Variants in RANBP17 observed in about 807,000 individuals in gnomAD.
RANBP17 encodes the protein ran-binding protein 17.
A neutral mutation model predicts 141.2 loss-of-function variants in RANBP17; 158 were observed. That is an observed-to-expected ratio of 1.12 (90% CI 0.98 to 1.28). The LOEUF is 1.28. Among genes scored for constraint, RANBP17 ranks in the 50% most tolerant of loss-of-function variants. The pLI is 0.00. For missense variants in RANBP17, 1,438 were observed against 1,290.7 expected (o/e 1.11, Z -1.75); for synonymous variants, 430 against 450.0 (o/e 0.96, Z 0.56).
intron 12 of RANBP17, among the ~76,000 whole-genome samples, chr5:170,945,202 C>T (rs952975588): frequency 1.3e-5 from 2 of 151,838 alleles, no homozygotes; most frequent in African/African-American, 2.4e-5. Flanking sequence ...TATGGCTAGT[C>T]GTAACTAGCT....
At chr5:170,954,601 C>A (rs1374731487) in intron 13 of RANBP17, among the ~76,000 whole-genome samples, 1 of 124,962 alleles carries the variant, frequency 8.0e-6, no homozygotes, top group Non-Finnish European at 1.6e-5. Flanking sequence ...GCAATATCAA[C>A]ATTTTACCTG....
chr5:170,938,935 C>G (rs528541573), intron 12 of RANBP17, among the ~76,000 whole-genome samples: 12 of 152,122 alleles, frequency 7.9e-5, no homozygotes, highest in Non-Finnish European at 1.5e-4. Flanking sequence ...TTCATCAATA[C>G]AGCAAGCCCA....
At position 171,242,667 on chromosome 5, in the gene RANBP17, ATC is replaced by A; in HGVS notation, c.2638-11_2638-10del. ...TTCTCTGTGGCTTGACATTTAGTATATCTCTGTGTTGTAGCAATACCGGAAAC... is the reference window on the plus strand; with the variant it reads ...TTCTCTGTGGCTTGACATTTAGTATATCTGTGTTGTAGCAATACCGGAAAC... On this transcript the variant is annotated splice_polypyrimidine_tract_variant and intron_variant, in intron 23 of 27. Coordinates refer to ENST00000523189, the MANE Select transcript of RANBP17 (RefSeq NM_022897.5). The A allele has an allele frequency of 6.2e-7, 1 of 1,611,214 alleles. No homozygotes were observed. The highest frequency in any genetic ancestry group is 8.5e-7 in the Non-Finnish European group (1 of 1,179,218).
chr5:171,200,596 C>T (rs1347163830), intron 19 of RANBP17, among the ~76,000 whole-genome samples: 1 of 151,994 alleles, frequency 6.6e-6, no homozygotes, highest in Admixed American at 6.6e-5. Flanking sequence ...AATGTAGACA[C>T]CTTTGTTGGT....
chr5:171,042,881 G>A (rs1016740396), intron 14 of RANBP17, among the ~76,000 whole-genome samples: 1 of 151,928 alleles, frequency 6.6e-6, no homozygotes, highest in African/African-American at 2.4e-5. Context: ...CAGACACTTG[G>A]ATAAATCATT....
Position 171,093,195 on chromosome 5 carries a change from A to G in RANBP17, c.1711-76935A>G, listed in dbSNP as rs1786431998. Among the ~76,000 whole-genome samples, 5 of 141,802 alleles carry G rather than the reference A, an allele frequency of 3.5e-5. No individual in the cohort carries two copies. The South Asian group carries it at 1.3e-3, about 36-fold the overall frequency. The allele number at this position is 141,802 out of a possible 152,430, so 93.0% of individuals were successfully genotyped here. Reference sequence around the variant, plus strand: ...GTTGCACTCCAGACTGGACAATAGCAGTGGAACTCAGTCTCCCCCCAAAAA... The same window carrying G: ...GTTGCACTCCAGACTGGACAATAGCGGTGGAACTCAGTCTCCCCCCAAAAA... On this transcript the variant is annotated intron_variant, in intron 14 of 27. Coordinates refer to ENST00000523189, the MANE Select transcript of RANBP17 (RefSeq NM_022897.5).
chr5:170,865,775 G>C (rs988300781), intron 1 of RANBP17, among the ~76,000 whole-genome samples: 2 of 152,146 alleles, frequency 1.3e-5, no homozygotes, highest in African/African-American at 4.8e-5. Flanking sequence ...ACCACCCTCA[G>C]GTTCAGTAGT....
chr5:171,185,667 CTAAT>C (rs1268735675), intron 18 of RANBP17, among the ~76,000 whole-genome samples: 4 of 152,218 alleles, frequency 2.6e-5, no homozygotes, highest in Non-Finnish European at 4.4e-5. Context: ...GGCTCCACTT[CTAAT>C]TATAGGTCTC....
chr5:170,964,451 G>A (rs1205643693), intron 13 of RANBP17, among the ~76,000 whole-genome samples: 1 of 151,938 alleles, frequency 6.6e-6, no homozygotes, highest in African/African-American at 2.4e-5. Flanking sequence ...CAATGTGCAG[G>A]TTAGTTACAT....
chr5:171,117,199 GA>G (rs1434467104), intron 14 of RANBP17, among the ~76,000 whole-genome samples: 51 of 152,130 alleles, frequency 3.4e-4, no homozygotes, highest in Admixed American at 2.6e-3. Context: ...CCAGTAATAG[GA>G]CTGTCAAATC....
intron 26 of RANBP17, among the ~76,000 whole-genome samples, chr5:171,295,642 A>G (rs1768769078): frequency 6.6e-6 from 1 of 152,330 alleles, no homozygotes; most frequent in East Asian, 1.9e-4. Flanking sequence ...TCATCAGCCT[A>G]AGCAGTGACA....
At chr5:171,100,557 T>C (rs954866361) in intron 14 of RANBP17, among the ~76,000 whole-genome samples, 1 of 152,156 alleles carries the variant, frequency 6.6e-6, no homozygotes, top group Non-Finnish European at 1.5e-5. Flanking sequence ...AGCTCCTGGA[T>C]TCATTGATTT....
intron 14 of RANBP17, among the ~76,000 whole-genome samples, chr5:171,097,652 T>TATTATA (rs1786798174): frequency 2.1e-5 from 3 of 140,966 alleles, no homozygotes; most frequent in African/African-American, 8.1e-5. Flanking sequence ...TTATTATTAT[T>TATTATA]ATACTTTAAG....
intron 12 of RANBP17, among the ~76,000 whole-genome samples, chr5:170,948,683 T>C (rs1055177760): frequency 2.0e-5 from 3 of 152,188 alleles, no homozygotes; most frequent in Non-Finnish European, 4.4e-5. Context: ...TCCCATGGGT[T>C]TTTTGCAGGG....
chr5:170,866,861 GTCCCAGC>G (rs1386622084), intron 1 of RANBP17: 1 of 152,330 alleles, frequency 6.6e-6, no homozygotes, highest in Non-Finnish European at 1.5e-5. Context: ...TGTGCCTGTA[GTCCCAGC>G]TACTTAGGAG....
At chr5:171,252,748 A>C (rs1765653106) in intron 24 of RANBP17, 3 of 1,384,062 alleles carry the variant, frequency 2.2e-6, no homozygotes, top group Admixed American at 3.4e-5. Flanking sequence ...TGGAAGACTT[A>C]TTTGTAGACT....
At chr5:170,932,771 G>C (rs1020693410) in intron 12 of RANBP17, among the ~76,000 whole-genome samples, 54 of 152,142 alleles carry the variant, frequency 3.5e-4, no homozygotes, top group Non-Finnish European at 2.8e-4. Flanking sequence ...ACTTGATCGT[G>C]GTGGATAAGC....
At chr5:171,008,309 G>T (rs554198053) in intron 14 of RANBP17, among the ~76,000 whole-genome samples, 1 of 152,216 alleles carries the variant, frequency 6.6e-6, no homozygotes, top group African/African-American at 2.4e-5. Flanking sequence ...GGGCTGGTTG[G>T]TCTGAGGACC....
At chr5:170,967,513 AT>A (rs34935680) in intron 13 of RANBP17, among the ~76,000 whole-genome samples, 2 of 151,448 alleles carry the variant, frequency 1.3e-5, no homozygotes, top group South Asian at 4.2e-4. Flanking sequence ...ATATTGAAGG[AT>A]TTTTTTTGAG....
Sources: allele counts gnomAD v4.1 joint callset (sites outside exome capture counted in the v4.1 genomes callset), GRCh38; gene constraint gnomAD v4.1.1; transcripts MANE v1.5; gene names NCBI Gene and HGNC (gene_info 2026-07-23, HGNC 2026-07-21).